The following NRXN3 variants were observed in gnomAD, a reference collection of about 807,000 sequenced individuals.
NRXN3 encodes neurexin III.
Under a neutral mutation model 137.6 loss-of-function variants are expected in NRXN3, and 32 were observed. The observed-to-expected ratio is 0.23, with a 90% confidence interval of 0.18 to 0.31. The LOEUF (loss-of-function observed/expected upper bound fraction) is 0.31. Among genes scored for constraint, NRXN3 ranks in the 10% least tolerant of loss-of-function variants. NRXN3 has a pLI of 1.00. For missense variants in NRXN3, 1,574 were observed against 2,062.5 expected, an observed-to-expected ratio of 0.76 and a Z score of 4.59; for synonymous variants, 798 against 784.5, an observed-to-expected ratio of 1.02 and a Z score of -0.29.
intron 16 of NRXN3, among the ~76,000 whole-genome samples, chr14:79,496,337 T>C (rs1003928559): frequency 6.6e-6 from 1 of 152,158 alleles, no homozygotes; most frequent in Non-Finnish European, 1.5e-5. Flanking sequence ...AGCAGTTGTC[T>C]GATCTGATCA....
chr14:79,042,112 C>T (rs1228000287), intron 15 of NRXN3, among the ~76,000 whole-genome samples: 1 of 152,156 alleles, frequency 6.6e-6, no homozygotes, highest in African/African-American at 2.4e-5. Context: ...ATTTATCTAA[C>T]CAAACATTCC....
rs142775307 is a variant in NRXN3 at position 79,716,663 on chromosome 14, G to A, written c.4014+18726G>A. 9.3e-4 allele frequency among the ~76,000 whole-genome samples: 142 copies of A among 152,132 alleles called. 1 individual carries two copies. The highest frequency in any genetic ancestry group is 3.2e-3 in the African/African-American group (133 of 41,520). Reference sequence around the variant, plus strand: ...CTCTGTTTAATTTTGTAATAAAAACGCTGAACCAGAAGCTGGAGATAATGT... The same window carrying A: ...CTCTGTTTAATTTTGTAATAAAAACACTGAACCAGAAGCTGGAGATAATGT... On this transcript the variant is annotated intron_variant, in intron 19 of 20. Transcript: ENST00000335750.
At position 79,864,991 on chromosome 14, in the gene NRXN3, T is replaced by G. The variant is rs2099417519; in HGVS notation, c.*3027T>G. Reference sequence around the variant, plus strand: ...TGGTCTCGATCTCCTGACCTCGTAATCCACCCGCCTCGGCCTCCCAAAGTG... The same window carrying G: ...TGGTCTCGATCTCCTGACCTCGTAAGCCACCCGCCTCGGCCTCCCAAAGTG... On this transcript the variant is annotated 3_prime_UTR_variant, in exon 21 of 21. Transcript: ENST00000335750. The G allele has an allele frequency of 6.6e-6, 1 of 152,210 alleles. No homozygotes were observed. The highest frequency in any genetic ancestry group is 1.5e-5 in the Non-Finnish European group (1 of 68,046). 9.4% of individuals were successfully genotyped at this position (152,210 alleles called of 1,614,324 possible).
Position 78,890,000 on chromosome 14 carries a change from G to T in NRXN3, c.2276-67242G>T, listed in dbSNP as rs550084720. The stretch of plus-strand genomic sequence containing the variant: ...GTGAAGACAGAGGCAGAGATTGGAG[G>T]GATATAACCAGAAAGAATGCCCATA... On this transcript the variant is annotated intron_variant, in intron 10 of 20. Coordinates refer to ENST00000335750, the MANE Select transcript of NRXN3 (RefSeq NM_001330195.2). 3.9e-5 allele frequency among the ~76,000 whole-genome samples: 6 copies of T among 152,026 alleles called. No homozygotes were observed. The East Asian group carries it at 1.2e-3, about 30-fold the overall frequency.
intron 15 of NRXN3, among the ~76,000 whole-genome samples, chr14:79,154,186 G>T (rs1010654851): frequency 6.6e-6 from 1 of 151,966 alleles, no homozygotes; most frequent in Non-Finnish European, 1.5e-5. Context: ...CACTTAGCTT[G>T]CAATGTGAAT....
intron 19 of NRXN3, among the ~76,000 whole-genome samples, chr14:79,750,963 C>A (rs567042463): frequency 2.0e-5 from 3 of 152,072 alleles, no homozygotes; most frequent in East Asian, 1.9e-4. Context: ...CTGAATTGAA[C>A]CTTACCTTTT....
intron 16 of NRXN3, among the ~76,000 whole-genome samples, chr14:79,601,847 G>A (rs1567627664): frequency 1.3e-5 from 2 of 152,168 alleles, no homozygotes; most frequent in East Asian, 3.9e-4. Flanking sequence ...TGGCCTCTCT[G>A]TCTAAGAGAC....
chr14:78,574,272 C>T (rs556345279), intron 4 of NRXN3, among the ~76,000 whole-genome samples: 50 of 152,372 alleles, frequency 3.3e-4, no homozygotes, highest in African/African-American at 1.2e-3. Flanking sequence ...TCTGAGCTCC[C>T]ACACAGAGTC....
chr14:78,717,666 A>G (rs1595112383), intron 8 of NRXN3, among the ~76,000 whole-genome samples: 1 of 151,988 alleles, frequency 6.6e-6, no homozygotes, highest in African/African-American at 2.4e-5. Context: ...TCTTTTGTTC[A>G]TTTTTCCTGC....
At chr14:79,125,498 C>A (rs896612304) in intron 15 of NRXN3, among the ~76,000 whole-genome samples, 12 of 152,102 alleles carry the variant, frequency 7.9e-5, no homozygotes, top group South Asian at 2.1e-4. Context: ...TTGCAGGAAG[C>A]ATTCTCCTCC....
chr14:79,613,496 G>C (rs574559065), intron 16 of NRXN3, among the ~76,000 whole-genome samples: 16 of 152,150 alleles, frequency 1.1e-4, no homozygotes, highest in East Asian at 1.9e-4. Context: ...GCATTGTTTA[G>C]CCAAACCACT....
chr14:78,421,261 CAA>C (rs34046580), intron 4 of NRXN3, among the ~76,000 whole-genome samples: 60 of 116,062 alleles, frequency 5.2e-4, no homozygotes, highest in Non-Finnish European at 7.1e-4. Context: ...GACTCCATCT[CAA>C]AAAAAAAAAA....
chr14:78,452,889 G>C (rs956643713), intron 4 of NRXN3, among the ~76,000 whole-genome samples: 3 of 152,172 alleles, frequency 2.0e-5, no homozygotes, highest in South Asian at 2.1e-4. Context: ...GTCAAGCTCT[G>C]AGTTTTCATT....
At chr14:78,424,547 C>A (rs955748716) in intron 4 of NRXN3, among the ~76,000 whole-genome samples, 5 of 152,200 alleles carry the variant, frequency 3.3e-5, no homozygotes, top group African/African-American at 1.2e-4. Flanking sequence ...GAAAGACATT[C>A]ATAGTGCTAG....
At chr14:78,410,976 T>G (rs958309791) in intron 4 of NRXN3, among the ~76,000 whole-genome samples, 11 of 152,176 alleles carry the variant, frequency 7.2e-5, no homozygotes, top group African/African-American at 2.4e-4. Context: ...CTGGGTGACC[T>G]TGGATAATTC....
intron 15 of NRXN3, among the ~76,000 whole-genome samples, chr14:79,395,670 G>T (rs900472294): frequency 5.3e-5 from 8 of 152,058 alleles, no homozygotes; most frequent in African/African-American, 1.9e-4. Flanking sequence ...TTAGCCAGGC[G>T]TGGTGGTGGG....
chr14:78,718,513 A>G (rs778062556), intron 8 of NRXN3, among the ~76,000 whole-genome samples: 2 of 152,172 alleles, frequency 1.3e-5, no homozygotes, highest in African/African-American at 4.8e-5. Context: ...GCCAAGTATA[A>G]GAGAGTCAGA....
At chr14:79,219,074 A>AT (rs2069047768) in intron 15 of NRXN3, among the ~76,000 whole-genome samples, 1 of 152,058 alleles carries the variant, frequency 6.6e-6, no homozygotes, top group South Asian at 2.1e-4. Context: ...AATAAGGTCT[A>AT]TTTTTTAAAA....
At chr14:78,423,350 T>G (rs2093530918) in intron 4 of NRXN3, among the ~76,000 whole-genome samples, 2 of 152,206 alleles carry the variant, frequency 1.3e-5, no homozygotes, top group South Asian at 4.1e-4. Flanking sequence ...CCTCCTGGAA[T>G]CTATGACTAT....
Sources: gnomAD v4.1 joint callset for allele counts (sites outside exome capture counted in the v4.1 genomes callset) on GRCh38, gnomAD v4.1.1 for gene constraint, MANE v1.5 for transcripts, NCBI Gene and HGNC (gene_info 2026-07-23, HGNC 2026-07-21) for gene names.